Variants in LAS1L observed in about 807,000 individuals in gnomAD.
The protein encoded by LAS1L is LAS1 like ribosome biogenesis factor.
A neutral mutation model predicts 57.3 loss-of-function variants in LAS1L; 5 were observed. The observed-to-expected ratio is 0.09, with a 90% CI of 0.05 to 0.18. The LOEUF (loss-of-function observed/expected upper bound fraction) is 0.18, where lower values mean the gene tolerates loss of function less well. Among genes scored for constraint, LAS1L ranks in the 10% least tolerant of loss-of-function variants. LAS1L has a pLI of 1.00. For synonymous variants in LAS1L, 245 were observed against 231.7 expected (o/e 1.06, Z -0.52); for missense variants, 360 against 568.3 (o/e 0.63, Z 3.73).
intron 12 of LAS1L, 75 bp from the exon 13 acceptor site, chrX:65,515,048 T>G (rs1186325428): frequency 2.9e-5 from 30 of 1,026,692 alleles, no homozygotes; most frequent in Non-Finnish European, 4.0e-5. Flanking sequence ...CTGCTCACCC[T>G]GTCCATCCAC....
At chrX:65,525,235 C>A (rs1473347197) in intron 7 of LAS1L, among the ~76,000 whole-genome samples, 185 bp from the exon 8 acceptor site, 1 of 111,851 alleles carries the variant, frequency 8.9e-6, no homozygotes, top group Non-Finnish European at 1.9e-5. Context: ...AGGCTTCAGC[C>A]TCCTCAGGCA....
At chrX:65,533,870 G>A (rs1334461118) in intron 1 of LAS1L, 135 bp from the exon 2 acceptor site, 36 of 650,216 alleles carry the variant, frequency 5.5e-5, no homozygotes, top group East Asian at 1.0e-4. Flanking sequence ...AAAACAAGAA[G>A]GTGGGAGGAG....
chrX:65,515,096 C>T, intron 12 of LAS1L, 123 bp from the exon 13 acceptor site: 1 of 603,395 alleles, frequency 1.7e-6, no homozygotes, highest in Non-Finnish European at 2.5e-6. Flanking sequence ...CTCAGGATCT[C>T]CAGCTTCACT....
chrX:65,524,909 C>A, intron 8 of LAS1L, 56 bp downstream of exon 8: 1 of 1,047,289 alleles, frequency 9.5e-7, no homozygotes, highest in Non-Finnish European at 1.3e-6. Context: ...CCCACCCCAG[C>A]TGTTTCCACC....
At chrX:65,515,104 A>C in intron 12 of LAS1L, 131 bp from the exon 13 acceptor site, 2 of 551,709 alleles carry the variant, frequency 3.6e-6, no homozygotes, top group Non-Finnish European at 5.6e-6. Context: ...CTCCAGCTTC[A>C]CTGCTCTCGG....
At position 65,528,308 on chromosome X, in the gene LAS1L, C is replaced by T. The variant is rs2069276785; in HGVS notation, c.908G>A (p.Arg303His). The T allele has an allele frequency of 8.3e-7, 1 of 1,203,521 alleles. No individual in the cohort carries two copies. Among genetic ancestry groups the T allele is most frequent in the Non-Finnish European group, 1.1e-6 (1 of 890,580 alleles). The part of the protein sequence containing the change: ...AIKAWNNPSP[R>H]VECVLAELKG... The stretch of plus-strand genomic sequence containing the variant: ...GAGCTCTGCCAGGACACATTCTACA[C>T]GTGGGGACGGGTTATTCCACGCCTT... Residue 303 changes from arginine (R) to histidine (H), a missense_variant, in exon 7 of 14, where the codon CGT becomes CAT. Around this residue, in one of 7 missense-constraint regions of LAS1L, gnomAD observed 81 missense variants for 192.1 expected, o/e 0.42. Transcript: ENST00000374811.
In LAS1L at chrX:65,524,956, G is replaced by A; in HGVS notation, c.1042+9C>T. 8.3e-7 allele frequency: 1 copy of A among 1,200,061 alleles called. No individual in the cohort carries two copies. The highest frequency in any genetic ancestry group is 1.1e-6 in the Non-Finnish European group (1 of 886,321). On this transcript the variant is annotated intron_variant, in intron 8 of 13. Transcript: ENST00000374811. The stretch of plus-strand genomic sequence containing the variant: ...ACCCTAAGGGTGCAGTGAGCCCCCA[G>A]AACCCTACCTTCATATTCTATCTGC...
Position 65,512,702 on chromosome X carries a change from G to T in LAS1L, c.*73C>A. The stretch of plus-strand genomic sequence containing the variant: ...AGGCTGTCTCCCAGGTTGTCTCAGG[G>T]AGCATCAGTTGTACTAGGGGGTGGG... On this transcript the variant is annotated 3_prime_UTR_variant, in exon 14 of 14. Transcript: ENST00000374811. 1.8e-6 allele frequency: 2 copies of T among 1,083,205 alleles called. No homozygotes were observed. Among genetic ancestry groups the T allele is most frequent in the South Asian group, 4.8e-5 (2 of 41,812 alleles). The allele number at this position is 1,083,205 out of a possible 1,213,427, so 89.3% of individuals were successfully genotyped here. A position where few individuals can be genotyped will look rare whatever the true frequency, so the allele number is the denominator to read the frequency against.
chrX:65,523,649 C>T lies in LAS1L; in HGVS notation c.1359G>A (p.Leu453=). 8.3e-7 allele frequency: 1 copy of T among 1,198,626 alleles called. No individual in the cohort carries two copies. Among genetic ancestry groups the T allele is most frequent in the Non-Finnish European group, 1.1e-6 (1 of 888,525 alleles). The part of the protein sequence containing the change: ...GQWEARRGWR[L]FNCSASLDWP... ...AGTCAAGGGAGGCGGAGCAGTTGAA[C>T]AGCCTCCAGCCCCTTCTTGCTTCCC... The change falls in exon 11 of 14, where the codon CTG becomes CTA. Residue 453 remains leucine (L), a synonymous_variant. Transcript: ENST00000374811.
At chrX:65,534,363 G>C (rs1053764799) in intron 1 of LAS1L, 117 bp downstream of exon 1, 2 of 534,097 alleles carry the variant, frequency 3.7e-6, no homozygotes, top group Non-Finnish European at 6.1e-6. Flanking sequence ...TTTGGGAGAG[G>C]GACAACTTTA....
intron 1 of LAS1L, 111 bp from the exon 2 acceptor site, chrX:65,533,846 G>C: frequency 3.7e-6 from 3 of 818,660 alleles, no homozygotes; most frequent in Non-Finnish European, 5.2e-6. Context: ...GTTCAAGAGA[G>C]CATGAACAGA....
rs761036447 is a variant in LAS1L, at chrX:65,534,625, T to C, written c.91A>G (p.Lys31Glu). The C allele has an allele frequency of 8.3e-7, 1 of 1,199,322 alleles. No individual in the cohort carries two copies. Among genetic ancestry groups the C allele is most frequent in the East Asian group, 3.0e-5 (1 of 33,196 alleles). The stretch of plus-strand genomic sequence containing the variant: ...TGGGCCGAGAGTGGCAACGACCCTT[T>C]CCCTTTAACGCACTTTCCGTACCAC... ...SAWYGKCVKG[K>E]GSLPLSAHGI... The change falls in exon 1 of 14, where the codon AAA becomes GAA. Residue 31 changes from lysine (K) to glutamate (E), a missense_variant. Around this residue, in one of 7 missense-constraint regions of LAS1L, gnomAD observed 36 missense variants for 27.9 expected, o/e 1.29. Coordinates refer to ENST00000374811, the MANE Select transcript of LAS1L (RefSeq NM_031206.7).
intron 4 of LAS1L, among the ~76,000 whole-genome samples, chrX:65,530,813 CA>C (rs754023056): frequency 0.25 from 10,567 of 42,059 alleles, 3,088 homozygotes; most frequent in African/African-American, 0.71. Context: ...GACTCTGTCT[CA>C]AAAAAAAAAA....
rs1360917914 is a variant in LAS1L at position 65,528,653 on chromosome X, C to T, written c.847-284G>A. Among the ~76,000 whole-genome samples the T allele has an allele frequency of 2.7e-5, 3 of 112,925 alleles. No homozygotes were observed. In the Admixed American group the frequency reaches 2.8e-4, roughly 11 times the overall value. On this transcript the variant is annotated intron_variant, in intron 6 of 13. Transcript: ENST00000374811. Reference sequence around the variant, plus strand: ...GGGGGAATTTGGCTGGAGATAGAGACTCTTAGGCCAAAGGGCCAGAGATGA... The same window carrying T: ...GGGGGAATTTGGCTGGAGATAGAGATTCTTAGGCCAAAGGGCCAGAGATGA...
Position 65,518,063 on chromosome X carries a change from G to A in LAS1L, c.1851C>T (p.Ser617=), listed in dbSNP as rs746395107. 6 of 1,210,167 alleles carry A rather than the reference G, an allele frequency of 5.0e-6. No homozygotes were observed. In the Admixed American group the frequency reaches 8.7e-5, roughly 18 times the overall value. Residue 617 remains serine, a synonymous_variant, in exon 12 of 14, where the codon TCC becomes TCT. Coordinates refer to ENST00000374811, the MANE Select transcript of LAS1L (RefSeq NM_031206.7). ...EVGPFSTGQE[S]PTAENARLLA... The stretch of plus-strand genomic sequence containing the variant: ...GAAGCCTAGCATTCTCGGCAGTGGG[G>A]GACTCTTGCCCTGTAGAGAAAGGCC...
intron 13 of LAS1L, among the ~76,000 whole-genome samples, chrX:65,514,565 C>CACACA (rs1334264514): frequency 9.2e-6 from 1 of 108,772 alleles, no homozygotes; most frequent in Non-Finnish European, 1.9e-5. Flanking sequence ...CACACACACA[C>CACACA]ACGTCCATCC....
At chrX:65,528,568 C>T (rs1388846073) in intron 6 of LAS1L, among the ~76,000 whole-genome samples, 199 bp from the exon 7 acceptor site, 1 of 112,090 alleles carries the variant, frequency 8.9e-6, no homozygotes, top group Admixed American at 9.4e-5. Flanking sequence ...CTTCCTCCTC[C>T]TTCTCCCTCC....
intron 3 of LAS1L, 72 bp from the exon 4 acceptor site, chrX:65,531,510 A>G: frequency 1.3e-6 from 1 of 750,257 alleles, no homozygotes; most frequent in Non-Finnish European, 2.1e-6. Flanking sequence ...GCCAGAGATT[A>G]ATTATCCTGA....
chrX:65,527,167 C>T (rs1402859717), intron 7 of LAS1L, among the ~76,000 whole-genome samples: 3 of 85,738 alleles, frequency 3.5e-5, no homozygotes, highest in Admixed American at 1.6e-4. Context: ...GAGCCAAGAT[C>T]GTGCCACTGC....
Sources: allele counts gnomAD v4.1 joint callset (sites outside exome capture counted in the v4.1 genomes callset), GRCh38; gene constraint gnomAD v4.1.1; regional missense constraint gnomAD v4.1.1; transcripts MANE v1.5; gene names NCBI Gene and HGNC (gene_info 2026-07-23, HGNC 2026-07-21).